DACH1: variants seen among roughly 807,000 people sequenced by gnomAD.
DACH1 encodes the protein dachshund homolog 1.
In DACH1, 12 loss-of-function variants were observed where a neutral mutation model predicts 54.2. The observed-to-expected ratio is 0.22, with a 90% CI of 0.14 to 0.36. DACH1 has a LOEUF of 0.36. Ranked by LOEUF, DACH1 falls within the 10% of genes least tolerant of loss-of-function variation. The pLI, the probability that DACH1 is intolerant of heterozygous loss-of-function variation, is 1.00. For missense variants in DACH1, 805 were observed against 929.8 expected, an observed-to-expected ratio of 0.87 and a Z score of 1.75; for synonymous variants, 386 against 366.2, an observed-to-expected ratio of 1.05 and a Z score of -0.62.
rs713401 is a variant in DACH1 at position 71,835,929 on chromosome 13, T to G, written c.848+29993A>C. Among the ~76,000 whole-genome samples, 3 of 151,858 alleles carry G rather than the reference T, an allele frequency of 2.0e-5. No homozygotes were observed. The South Asian group carries it at 6.2e-4, about 31-fold the overall frequency. Reference sequence around the variant, plus strand: ...TGGAAATTTTCTATTGTATTTAAGATATTTATACCTCTTAATACAAAACCA... The same window carrying G: ...TGGAAATTTTCTATTGTATTTAAGAGATTTATACCTCTTAATACAAAACCA... On this transcript the variant is annotated intron_variant, in intron 1 of 10. Coordinates refer to ENST00000613252, the MANE Select transcript of DACH1 (RefSeq NM_080759.6).
chr13:71,502,934 C>T (rs1168372982), intron 6 of DACH1, among the ~76,000 whole-genome samples: 15 of 152,220 alleles, frequency 9.9e-5, no homozygotes, highest in Admixed American at 9.8e-4. Context: ...CTAAGCTAGG[C>T]ATCAGTTTGC....
intron 3 of DACH1, among the ~76,000 whole-genome samples, chr13:71,601,564 T>C (rs1378445717): frequency 6.6e-6 from 1 of 151,986 alleles, no homozygotes; most frequent in African/African-American, 2.4e-5. Context: ...TATTCTGTGC[T>C]ATTGGAGGAA....
chr13:71,620,946 G>A (rs1328543679), intron 3 of DACH1, among the ~76,000 whole-genome samples: 1 of 151,840 alleles, frequency 6.6e-6, no homozygotes, highest in African/African-American at 2.4e-5. Context: ...TGCAATTATA[G>A]ATGAACTCAA....
At chr13:71,704,548 G>A in intron 1 of DACH1, 2 of 444,874 alleles carry the variant, frequency 4.5e-6, no homozygotes, top group Non-Finnish European at 9.0e-6. Flanking sequence ...ACATACCTGG[G>A]TGCAACTGAA....
chr13:71,557,521 A>T (rs1186026294), intron 5 of DACH1, among the ~76,000 whole-genome samples: 1 of 152,160 alleles, frequency 6.6e-6, no homozygotes. Context: ...TAATTCTAAA[A>T]CTAGTGAATG....
At chr13:71,549,916 T>C (rs774684533) in intron 6 of DACH1, among the ~76,000 whole-genome samples, 7 of 152,172 alleles carry the variant, frequency 4.6e-5, no homozygotes, top group African/African-American at 1.7e-4. Flanking sequence ...TCTAGGTTCA[T>C]TGAAATTGTA....
intron 1 of DACH1, among the ~76,000 whole-genome samples, chr13:71,838,728 G>T (rs1175325180): frequency 1.3e-5 from 2 of 152,104 alleles, no homozygotes; most frequent in Admixed American, 1.3e-4. Context: ...TTCATTTGTT[G>T]TTCCTAATTG....
At chr13:71,712,963 C>T (rs1171662284) in intron 1 of DACH1, among the ~76,000 whole-genome samples, 1 of 151,920 alleles carries the variant, frequency 6.6e-6, no homozygotes, top group Admixed American at 6.6e-5. Flanking sequence ...GCTTCTATTC[C>T]TTTATAGATT....
At chr13:71,612,464 T>C (rs1405531831) in intron 3 of DACH1, among the ~76,000 whole-genome samples, 8 of 152,114 alleles carry the variant, frequency 5.3e-5, no homozygotes, top group Admixed American at 5.2e-4. Context: ...AGATTTCTAA[T>C]TTAATGTTCT....
At chr13:71,731,195 A>G (rs1883724178) in intron 1 of DACH1, among the ~76,000 whole-genome samples, 1 of 152,104 alleles carries the variant, frequency 6.6e-6, no homozygotes, top group Non-Finnish European at 1.5e-5. Context: ...ACAACAGCAC[A>G]AGATTCTAAT....
intron 1 of DACH1, among the ~76,000 whole-genome samples, chr13:71,754,641 C>T (rs1473771030): frequency 6.6e-6 from 1 of 151,960 alleles, no homozygotes; most frequent in East Asian, 1.9e-4. Flanking sequence ...TTGTAATACC[C>T]CAGGGTGTCT....
At chr13:71,808,657 A>T (rs1055824404) in intron 1 of DACH1, among the ~76,000 whole-genome samples, 7 of 152,184 alleles carry the variant, frequency 4.6e-5, no homozygotes, top group African/African-American at 1.7e-4. Context: ...GTTTTAAAGC[A>T]GTTTGACATC....
chr13:71,743,592 C>A (rs1179259644), intron 1 of DACH1, among the ~76,000 whole-genome samples: 2 of 152,100 alleles, frequency 1.3e-5, no homozygotes, highest in Admixed American at 1.3e-4. Flanking sequence ...ATGGCAAAGG[C>A]CAGGAATGAA....
At chr13:71,611,070 G>A (rs964453861) in intron 3 of DACH1, among the ~76,000 whole-genome samples, 1 of 152,110 alleles carries the variant, frequency 6.6e-6, no homozygotes, top group Non-Finnish European at 1.5e-5. Context: ...TTATGGCTCA[G>A]GCAGTGTATA....
intron 1 of DACH1, among the ~76,000 whole-genome samples, chr13:71,827,683 T>TA (rs1371827909): frequency 6.6e-6 from 1 of 152,066 alleles, no homozygotes; most frequent in African/African-American, 2.4e-5. Context: ...CAGTGCCCTT[T>TA]AAACATTTAC....
intron 3 of DACH1, among the ~76,000 whole-genome samples, chr13:71,617,169 G>A (rs1162053172): frequency 1.3e-5 from 2 of 152,036 alleles, no homozygotes; most frequent in Admixed American, 1.3e-4. Context: ...CTGCCCAGCA[G>A]GGTCAAATTT....
At position 71,674,933 on chromosome 13, in the gene DACH1, T is replaced by C. The variant is rs575787507; in HGVS notation, c.964+6862A>G. ...CTCAAATATTTCCTAGATATATAAA[T>C]ATATGAAAACACATACAAACGGTGT... is the stretch of plus-strand genomic sequence containing the variant. On this transcript the variant is annotated intron_variant, in intron 2 of 10. Coordinates refer to ENST00000613252, the MANE Select transcript of DACH1 (RefSeq NM_080759.6). 2.2e-5 allele frequency: 14 copies of C among 632,240 alleles called. No individual in the cohort carries two copies. The Admixed American group carries it at 3.2e-4, about 14-fold the overall frequency. 39.2% of individuals were successfully genotyped at this position (632,240 alleles called of 1,614,324 possible).
intron 1 of DACH1, among the ~76,000 whole-genome samples, chr13:71,794,184 G>A (rs1345773825): frequency 1.3e-5 from 2 of 152,138 alleles, no homozygotes; most frequent in Non-Finnish European, 2.9e-5. Flanking sequence ...ACTTAGAGAT[G>A]AGAAACTGAG....
In DACH1 at chr13:71,866,400, C is replaced by T. The variant is rs1160518125; in HGVS notation, c.370G>A (p.Ala124Thr). 1.4e-6 allele frequency: 2 copies of T among 1,414,848 alleles called. No individual in the cohort carries two copies. The highest frequency in any genetic ancestry group is 1.9e-6 in the Non-Finnish European group (2 of 1,062,942). 87.6% of individuals were successfully genotyped at this position (1,414,848 alleles called of 1,614,324 possible). The change falls in exon 1 of 11, where the codon GCT becomes ACT. Residue 124 changes from alanine (A) to threonine (T), a missense_variant. Ala to Thr is a moderately conservative substitution (Grantham distance 58). This residue lies in a region of DACH1 where 305 missense variants were observed against 308.7 expected (regional missense o/e 0.99). Transcript: ENST00000613252. ...GSGGGGGGIS[A>T]GGGVASSTPI... Reference sequence around the variant, plus strand: ...GTGCTGGAAGCGACGCCGCCGCCAGCGCTGATGCCGCCGCCGCCGCCGCCG... The same window carrying T: ...GTGCTGGAAGCGACGCCGCCGCCAGTGCTGATGCCGCCGCCGCCGCCGCCG...
Sources: gnomAD v4.1 joint callset for allele counts (sites outside exome capture counted in the v4.1 genomes callset) on GRCh38, gnomAD v4.1.1 for gene constraint, gnomAD v4.1.1 regional missense constraint, MANE v1.5 for transcripts, NCBI Gene and HGNC (gene_info 2026-07-23, HGNC 2026-07-21) for gene names.